Variants in DOCK1 observed in about 807,000 individuals in gnomAD.
DOCK1 encodes the protein dedicator of cytokinesis protein 1.
Under a neutral mutation model 262.7 loss-of-function variants are expected in DOCK1, and 138 were observed. The observed-to-expected ratio is 0.53, with a 90% confidence interval of 0.46 to 0.61. The LOEUF (loss-of-function observed/expected upper bound fraction) is 0.61. Ranked by LOEUF, DOCK1 falls within the 20% of genes least tolerant of loss-of-function variation. The pLI, the probability that DOCK1 is intolerant of heterozygous loss-of-function variation, is 0.00. For missense variants in DOCK1, 1,908 were observed against 2,370.7 expected, an observed-to-expected ratio of 0.80 and a Z score of 4.05; for synonymous variants, 866 against 867.4, an observed-to-expected ratio of 1.00 and a Z score of 0.03.
chr10:127,093,206 C>CTTTCTTTCTTTCTTTCTTTGTTTG (rs1554883895), intron 23 of DOCK1, among the ~76,000 whole-genome samples: 1 of 119,982 alleles, frequency 8.3e-6, no homozygotes, highest in Non-Finnish European at 1.7e-5. Flanking sequence ...CTTTTTCTTT[C>CTTTCTTTCTTTCTTTCTTTGTTTG]TTTCTTTCTT....
At chr10:126,989,186 G>A (rs1469464993) in intron 5 of DOCK1, among the ~76,000 whole-genome samples, 1 of 152,130 alleles carries the variant, frequency 6.6e-6, no homozygotes, top group Non-Finnish European at 1.5e-5. Flanking sequence ...AGGCAGCGTG[G>A]ATATTAGAAA....
chr10:127,171,864 C>A (rs534087407), intron 27 of DOCK1, among the ~76,000 whole-genome samples: 2 of 152,052 alleles, frequency 1.3e-5, no homozygotes, highest in African/African-American at 4.8e-5. Flanking sequence ...CCACCACGCC[C>A]GACTAATGTT....
intron 33 of DOCK1, among the ~76,000 whole-genome samples, chr10:127,367,615 A>G (rs1468072550): frequency 1.3e-5 from 2 of 152,158 alleles, no homozygotes; most frequent in Non-Finnish European, 2.9e-5. Flanking sequence ...GCCAGACAGA[A>G]GCCTGTGAGA....
chr10:127,324,586 T>C (rs1331642946), intron 29 of DOCK1, among the ~76,000 whole-genome samples: 1 of 151,960 alleles, frequency 6.6e-6, no homozygotes, highest in Non-Finnish European at 1.5e-5. Context: ...AGCCCCACCG[T>C]TGGGAGCTGA....
chr10:127,123,575 A>G (rs1394892438), intron 25 of DOCK1, among the ~76,000 whole-genome samples: 1 of 152,184 alleles, frequency 6.6e-6, no homozygotes, highest in African/African-American at 2.4e-5. Context: ...CTAAAGTTGG[A>G]TGTAGTTTGT....
rs1348362587 is a variant in DOCK1, at chr10:127,000,285, G to A, written c.963G>A (p.Leu321=). ...DNNTRKLTSG[L]RRPFGVAVMD... is the part of the protein sequence containing the mutation. ...ACACCAGGAAACTGACCTCGGGGTT[G>A]CGGCGACCTTTTGGAGTGGCTGGTA... Residue 321 remains leucine (L), a synonymous_variant, in exon 10 of 52, where the codon TTG becomes TTA. Transcript: ENST00000623213. The A allele has an allele frequency of 1.2e-6, 2 of 1,613,906 alleles. No homozygotes were observed. The highest frequency in any genetic ancestry group is 1.7e-6 in the Non-Finnish European group (2 of 1,179,890).
chr10:127,040,124 A>G (rs1221770847), intron 19 of DOCK1, among the ~76,000 whole-genome samples: 2 of 152,242 alleles, frequency 1.3e-5, no homozygotes, highest in Non-Finnish European at 2.9e-5. Flanking sequence ...GTGACAGGCC[A>G]GGTCCTGCCA....
intron 29 of DOCK1, among the ~76,000 whole-genome samples, chr10:127,283,404 C>T (rs907092303): frequency 2.0e-5 from 3 of 152,214 alleles, no homozygotes; most frequent in Non-Finnish European, 4.4e-5. Context: ...CTGAAGCCTC[C>T]AGAAGGCACA....
At chr10:127,379,009 C>T (rs1397936206) in intron 35 of DOCK1, among the ~76,000 whole-genome samples, 3 of 152,186 alleles carry the variant, frequency 2.0e-5, no homozygotes, top group East Asian at 1.9e-4. Context: ...AATTAAAGAG[C>T]CTATGCCATT....
intron 27 of DOCK1, among the ~76,000 whole-genome samples, chr10:127,174,894 A>G (rs1228730604): frequency 1.3e-5 from 2 of 152,144 alleles, no homozygotes; most frequent in East Asian, 1.9e-4. Context: ...ATATGTTGTT[A>G]TACATTATCA....
intron 29 of DOCK1, among the ~76,000 whole-genome samples, chr10:127,305,936 A>G (rs890729378): frequency 1.3e-5 from 2 of 151,458 alleles, no homozygotes; most frequent in Non-Finnish European, 2.9e-5. Context: ...TGTGGCATCT[A>G]TGCATTTAAA....
At chr10:127,157,956 T>C (rs1238951617) in intron 27 of DOCK1, among the ~76,000 whole-genome samples, 1 of 152,242 alleles carries the variant, frequency 6.6e-6, no homozygotes, top group Non-Finnish European at 1.5e-5. Context: ...AAAATTTTAT[T>C]AAGCACGAGA....
intron 1 of DOCK1, among the ~76,000 whole-genome samples, chr10:126,965,426 G>A (rs1330743181): frequency 6.6e-6 from 1 of 152,168 alleles, no homozygotes; most frequent in Non-Finnish European, 1.5e-5. Flanking sequence ...CGGCGAAATG[G>A]TCCCAGACTT....
At chr10:127,016,858 AACAC>A (rs1214157424) in intron 12 of DOCK1, among the ~76,000 whole-genome samples, 1 of 123,068 alleles carries the variant, frequency 8.1e-6, no homozygotes, top group African/African-American at 3.2e-5. Context: ...AGATACCATA[AACAC>A]ACACACAGAT....
At chr10:126,974,885 A>G (rs893379064) in intron 2 of DOCK1, among the ~76,000 whole-genome samples, 1 of 152,032 alleles carries the variant, frequency 6.6e-6, no homozygotes, top group African/African-American at 2.4e-5. Flanking sequence ...GTGGGGAGGA[A>G]AACCATGGTT....
At chr10:127,395,360 C>T (rs879169223) in intron 38 of DOCK1, among the ~76,000 whole-genome samples, 6 of 152,140 alleles carry the variant, frequency 3.9e-5, no homozygotes, top group African/African-American at 7.2e-5. Flanking sequence ...GGCGCTCTTC[C>T]GGGCCTCTGT....
chr10:127,147,761 G>A (rs1016945176), intron 27 of DOCK1, among the ~76,000 whole-genome samples: 1 of 152,010 alleles, frequency 6.6e-6, no homozygotes, highest in Non-Finnish European at 1.5e-5. Context: ...GTCTGGGCAC[G>A]GTGGCTCATG....
intron 29 of DOCK1, among the ~76,000 whole-genome samples, chr10:127,328,729 C>T (rs2062850166): frequency 6.6e-6 from 1 of 152,128 alleles, no homozygotes; most frequent in East Asian, 1.9e-4. Context: ...ATTAATGCCC[C>T]ACCTACTTCC....
intron 33 of DOCK1, among the ~76,000 whole-genome samples, chr10:127,372,293 T>C (rs1367833267): frequency 6.6e-6 from 1 of 152,152 alleles, no homozygotes; most frequent in Non-Finnish European, 1.5e-5. Flanking sequence ...CCTTGCTAAT[T>C]GCTTCTCAGG....
Sources: gnomAD v4.1 joint callset for allele counts (sites outside exome capture counted in the v4.1 genomes callset) on GRCh38, gnomAD v4.1.1 for gene constraint, MANE v1.5 for transcripts, NCBI Gene and HGNC (gene_info 2026-07-23, HGNC 2026-07-21) for gene names.